RBFOX1: variants seen among roughly 807,000 people sequenced by gnomAD.
RBFOX1 encodes the protein RNA binding protein fox-1 homolog 1.
Under a neutral mutation model 57.7 loss-of-function variants are expected in RBFOX1, and 8 were observed. That is an observed-to-expected ratio of 0.14 (90% CI 0.08 to 0.25). The LOEUF (loss-of-function observed/expected upper bound fraction) is 0.25. Ranked by LOEUF, RBFOX1 falls within the 10% of genes least tolerant of loss-of-function variation. RBFOX1 has a pLI of 1.00. For missense variants in RBFOX1, 611 were observed against 548.5 expected (o/e 1.11, Z -1.14); for synonymous variants, 326 against 222.4 (o/e 1.47, Z -4.15).
Position 7,671,731 on chromosome 16 carries a change from C to A in RBFOX1, c.931-5043C>A, listed in dbSNP as rs548057497. The A allele has an allele frequency of 1.8e-5, 15 of 815,488 alleles. No individual in the cohort carries two copies. In the African/African-American group the frequency reaches 2.2e-4, roughly 12 times the overall value. 50.5% of individuals were successfully genotyped at this position (815,488 alleles called of 1,614,324 possible). A position where few individuals can be genotyped will look rare whatever the true frequency, so the allele number is the denominator to read the frequency against. The stretch of plus-strand genomic sequence containing the variant: ...GGAGGAAAGACTTAACTGAATTTTC[C>A]AGTTTTAATATGAAATCTCCTAGAA... On this transcript the variant is annotated intron_variant, in intron 13 of 15. Transcript: ENST00000550418.
intron 2 of RBFOX1, among the ~76,000 whole-genome samples, chr16:6,516,826 A>G (rs1567523737): frequency 6.6e-6 from 1 of 152,080 alleles, no homozygotes; most frequent in Non-Finnish European, 1.5e-5. Context: ...GCAACACAAA[A>G]CCTGCCCAGG....
intron 3 of RBFOX1, among the ~76,000 whole-genome samples, chr16:5,688,629 G>A (rs1183230857): frequency 6.6e-6 from 1 of 152,202 alleles, no homozygotes; most frequent in East Asian, 1.9e-4. Context: ...ATGGTTGAGG[G>A]CCTGAACTGG....
chr16:6,892,752 T>C (rs2065771717), intron 3 of RBFOX1, among the ~76,000 whole-genome samples: 1 of 148,100 alleles, frequency 6.8e-6, no homozygotes, highest in East Asian at 2.0e-4. Flanking sequence ...CAGAAATGCA[T>C]ATTCTCAAAG....
chr16:7,030,094 C>T (rs1196524673), intron 3 of RBFOX1, among the ~76,000 whole-genome samples: 1 of 152,090 alleles, frequency 6.6e-6, no homozygotes, highest in Admixed American at 6.6e-5. Context: ...CAAATTGGTG[C>T]CAAAAATTAT....
chr16:6,367,550 G>A (rs547918940), intron 2 of RBFOX1, among the ~76,000 whole-genome samples: 3 of 152,192 alleles, frequency 2.0e-5, no homozygotes, highest in African/African-American at 7.2e-5. Context: ...GATTACAGGC[G>A]TGAGCCAATG....
At chr16:6,512,190 C>T (rs140036457) in intron 2 of RBFOX1, among the ~76,000 whole-genome samples, 19 of 144,910 alleles carry the variant, frequency 1.3e-4, no homozygotes, top group African/African-American at 3.0e-4. Context: ...TTGCTGAGGT[C>T]GTAGGATTGC....
chr16:5,903,049 C>G (rs987226837), intron 4 of RBFOX1, among the ~76,000 whole-genome samples: 1 of 152,058 alleles, frequency 6.6e-6, no homozygotes, highest in Non-Finnish European at 1.5e-5. Flanking sequence ...CTAGCCTTTT[C>G]TTGGACTTGC....
intron 3 of RBFOX1, among the ~76,000 whole-genome samples, chr16:6,736,037 A>G (rs1241795982): frequency 6.7e-6 from 1 of 150,126 alleles, no homozygotes; most frequent in East Asian, 2.0e-4. Context: ...AATTTTCAGC[A>G]TGGTTACCCC....
intron 4 of RBFOX1, among the ~76,000 whole-genome samples, chr16:7,514,087 A>G (rs1481271798): frequency 6.6e-6 from 1 of 152,054 alleles, no homozygotes; most frequent in Non-Finnish European, 1.5e-5. Flanking sequence ...ACATTCTGCC[A>G]CAGCTATTAG....
At chr16:5,465,931 C>T (rs753820841) in intron 1 of RBFOX1, among the ~76,000 whole-genome samples, 36 of 152,222 alleles carry the variant, frequency 2.4e-4, no homozygotes, top group South Asian at 6.2e-4. Context: ...CACGGTGCTG[C>T]GGTGGGTAAG....
intron 3 of RBFOX1, among the ~76,000 whole-genome samples, chr16:6,705,760 G>C (rs552926607): frequency 2.6e-4 from 40 of 152,268 alleles, no homozygotes; most frequent in Non-Finnish European, 5.3e-4. Flanking sequence ...GCTTAAGCCT[G>C]TAATCCCAGC....
intron 2 of RBFOX1, among the ~76,000 whole-genome samples, chr16:6,531,263 C>T (rs2096654156): frequency 6.6e-6 from 1 of 152,172 alleles, no homozygotes; most frequent in South Asian, 2.1e-4. Context: ...CTGTAGACTT[C>T]TAACTGGGGA....
intron 4 of RBFOX1, among the ~76,000 whole-genome samples, chr16:7,436,819 T>C (rs376100936): frequency 1.7e-4 from 26 of 152,302 alleles, no homozygotes; most frequent in African/African-American, 6.0e-4. Context: ...CCCAGCACTT[T>C]GGGAGACCAA....
intron 4 of RBFOX1, among the ~76,000 whole-genome samples, chr16:7,053,878 T>G (rs1456496831): frequency 6.6e-6 from 1 of 152,120 alleles, no homozygotes; most frequent in African/African-American, 2.4e-5. Flanking sequence ...TTAAATGAAT[T>G]TATGTTTTGA....
intron 2 of RBFOX1, among the ~76,000 whole-genome samples, chr16:6,624,629 T>A (rs2098278598): frequency 6.6e-6 from 1 of 152,170 alleles, no homozygotes; most frequent in South Asian, 2.1e-4. Context: ...CTGTGTTTTA[T>A]ATGAAAACAA....
intron 3 of RBFOX1, among the ~76,000 whole-genome samples, chr16:6,779,845 ATATATT>A (rs1243786354): frequency 7.4e-5 from 3 of 40,580 alleles, no homozygotes; most frequent in African/African-American, 1.2e-4. Flanking sequence ...ATATTTATAT[ATATATT>A]TATATATATT....
intron 3 of RBFOX1, among the ~76,000 whole-genome samples, chr16:5,765,585 G>T (rs2053748140): frequency 6.6e-6 from 1 of 152,282 alleles, no homozygotes; most frequent in Non-Finnish European, 1.5e-5. Context: ...ACACATGAAA[G>T]AATGGCTGTC....
chr16:5,683,005 C>T (rs1264503887), intron 3 of RBFOX1, among the ~76,000 whole-genome samples: 1 of 152,158 alleles, frequency 6.6e-6, no homozygotes, highest in African/African-American at 2.4e-5. Context: ...AACCTTTGTT[C>T]ATTCACTTAC....
chr16:7,103,696 A>G (rs1002228950), intron 4 of RBFOX1, among the ~76,000 whole-genome samples: 1 of 152,208 alleles, frequency 6.6e-6, no homozygotes, highest in Non-Finnish European at 1.5e-5. Flanking sequence ...AGAAACGTAA[A>G]TAATAACGAA....
Sources: allele counts gnomAD v4.1 joint callset (sites outside exome capture counted in the v4.1 genomes callset), GRCh38; gene constraint gnomAD v4.1.1; transcripts MANE v1.5; gene names NCBI Gene and HGNC (gene_info 2026-07-23, HGNC 2026-07-21).